Variants in RAB3B observed in about 807,000 individuals in gnomAD.
RAB3B encodes the protein ras-related protein Rab-3B.
RAB3B carries 11 observed loss-of-function variants against 20.5 expected under a neutral mutation model. The ratio of observed to expected loss-of-function variants is 0.54; its 90% confidence interval spans 0.34 to 0.89. The LOEUF (loss-of-function observed/expected upper bound fraction) is 0.89. Among genes scored for constraint, RAB3B ranks in the 40% least tolerant of loss-of-function variants. RAB3B has a pLI of 0.02. For synonymous variants in RAB3B, 99 were observed against 106.3 expected (o/e 0.93, Z 0.42); for missense variants, 225 against 280.9 (o/e 0.80, Z 1.42).
rs528897911 is a variant in RAB3B, at chr1:51,974,726, T to C, written c.228+2164A>G. Among the ~76,000 whole-genome samples, 4 of 152,340 alleles carry C rather than the reference T, an allele frequency of 2.6e-5. No individual in the cohort carries two copies. The South Asian group carries it at 8.3e-4, about 32-fold the overall frequency. On this transcript the variant is annotated intron_variant, in intron 2 of 4. Transcript: ENST00000371655. The stretch of plus-strand genomic sequence containing the variant: ...GCAGTGTTGTTGACCTAAGGCAAGT[T>C]AACTAATCTCTGAGTTTCTTATCCT...
rs74971507 is a variant in RAB3B at position 51,988,146 on chromosome 1, T to C, written c.-1+2406A>G. Among the ~76,000 whole-genome samples the C allele has an allele frequency of 5.3e-5, 8 of 152,308 alleles. No homozygotes were observed. The East Asian group carries it at 1.3e-3, about 26-fold the overall frequency. ...ATGCTGTTCAAAGGTCAACTGTATA[T>C]GCAATATAGCAGGGGCTCAATAATG... On this transcript the variant is annotated intron_variant, in intron 1 of 4. Coordinates refer to ENST00000371655, the MANE Select transcript of RAB3B (RefSeq NM_002867.4).
intron 4 of RAB3B, among the ~76,000 whole-genome samples, chr1:51,931,579 C>T (rs999781377): frequency 2.6e-5 from 4 of 152,096 alleles, no homozygotes; most frequent in East Asian, 1.9e-4. Context: ...CCTCCGTGCC[C>T]GGCCATATGC....
chr1:51,927,246 G>T (rs1557962900), intron 4 of RAB3B, among the ~76,000 whole-genome samples: 1 of 152,134 alleles, frequency 6.6e-6, no homozygotes, highest in Non-Finnish European at 1.5e-5. Context: ...ATGCGGAATT[G>T]GGTAAACTGA....
Position 51,909,857 on chromosome 1 carries a change from TCCTGGATTAGATTTG to T in RAB3B, c.*10055_*10069del, listed in dbSNP as rs59241582. The T allele has an allele frequency of 0.083, 12,591 of 152,284 alleles. 883 individuals carry two copies. The highest frequency in any genetic ancestry group is 0.19 in the African/African-American group (7,823 of 41,490). The allele number at this position is 152,284 out of a possible 1,614,324, so 9.4% of individuals were successfully genotyped here. A position where few individuals can be genotyped will look rare whatever the true frequency, so the allele number is the denominator to read the frequency against. On this transcript the variant is annotated 3_prime_UTR_variant, in exon 5 of 5. Transcript: ENST00000371655. The stretch of plus-strand genomic sequence containing the variant: ...CTGGTTCTCAGTCCCCTTACAAAGA[TCCTGGATTAGATTTG>T]CCTGCCTAGCTCTGCCTGATTGGGA...
chr1:51,987,357 G>T (rs1685166384), intron 1 of RAB3B, among the ~76,000 whole-genome samples: 1 of 152,154 alleles, frequency 6.6e-6, no homozygotes, highest in Admixed American at 6.5e-5. Flanking sequence ...TGTAAACTTA[G>T]GCAAATCACA....
intron 2 of RAB3B, among the ~76,000 whole-genome samples, chr1:51,965,579 G>A (rs145954730): frequency 1.3e-4 from 19 of 151,246 alleles, no homozygotes; most frequent in Non-Finnish European, 2.4e-4. Flanking sequence ...CCCGGGAAGC[G>A]GAGGTTGCAG....
chr1:51,946,576 CGA>C (rs1684568680), intron 2 of RAB3B, among the ~76,000 whole-genome samples: 1 of 152,158 alleles, frequency 6.6e-6, no homozygotes, highest in Non-Finnish European at 1.5e-5. Flanking sequence ...AGAACAGACA[CGA>C]GAGTGAGCAC....
intron 2 of RAB3B, among the ~76,000 whole-genome samples, chr1:51,962,481 C>T (rs1474808753): frequency 3.3e-5 from 5 of 152,182 alleles, no homozygotes; most frequent in Admixed American, 6.5e-5. Flanking sequence ...CTCCCACACA[C>T]GCCACACAAC....
intron 1 of RAB3B, among the ~76,000 whole-genome samples, chr1:51,984,197 G>A (rs1157222751): frequency 1.4e-5 from 2 of 145,454 alleles, no homozygotes; most frequent in Non-Finnish European, 3.0e-5. Flanking sequence ...CTGGCAGGCG[G>A]AGGTTACAGT....
At chr1:51,957,716 C>A (rs577048040) in intron 2 of RAB3B, among the ~76,000 whole-genome samples, 1 of 152,336 alleles carries the variant, frequency 6.6e-6, no homozygotes, top group East Asian at 1.9e-4. Context: ...GGTGTCAACA[C>A]CCAGAATGGG....
chr1:51,966,524 C>A (rs551081770), intron 2 of RAB3B, among the ~76,000 whole-genome samples: 1 of 152,018 alleles, frequency 6.6e-6, no homozygotes, highest in East Asian at 1.9e-4. Flanking sequence ...TCTTGGAGAC[C>A]CCTTCAATAG....
At chr1:51,929,044 A>G (rs950709295) in intron 4 of RAB3B, among the ~76,000 whole-genome samples, 57 of 152,148 alleles carry the variant, frequency 3.7e-4, no homozygotes, top group African/African-American at 1.4e-3. Context: ...TTATATTGGG[A>G]CTATGTTGCC....
chr1:51,950,406 C>T (rs2809942), intron 2 of RAB3B, among the ~76,000 whole-genome samples: 135,927 of 152,244 alleles, frequency 0.89, 61,534 homozygotes, highest in East Asian at 1. Flanking sequence ...TCAAGTCATA[C>T]TTAGCTAACT....
rs1684085259 is a variant in RAB3B at position 51,916,370 on chromosome 1, C to G, written c.*3557G>C. On this transcript the variant is annotated 3_prime_UTR_variant, in exon 5 of 5. Coordinates refer to ENST00000371655, the MANE Select transcript of RAB3B (RefSeq NM_002867.4). Reference sequence around the variant, plus strand: ...ACGATTTCATCTTTGCCTGGATATTCAGTAGGAGAGAAAAGATTATTGGAT... The same window carrying G: ...ACGATTTCATCTTTGCCTGGATATTGAGTAGGAGAGAAAAGATTATTGGAT... The G allele has an allele frequency of 6.6e-6, 1 of 152,162 alleles. No homozygotes were observed. Among genetic ancestry groups the G allele is most frequent in the South Asian group, 2.1e-4 (1 of 4,828 alleles). The allele number at this position is 152,162 out of a possible 1,614,324, so 9.4% of individuals were successfully genotyped here. A position where few individuals can be genotyped will look rare whatever the true frequency, so the allele number is the denominator to read the frequency against.
chr1:51,908,828 C>T lies in RAB3B; in HGVS notation c.*11099G>A, dbSNP rs1683957955. ...GATAGGTTGCTTCACTGATGCAGGCCTCAGTCTTCCTCATCTGTACTGGAA... is the reference window on the plus strand; with the variant it reads ...GATAGGTTGCTTCACTGATGCAGGCTTCAGTCTTCCTCATCTGTACTGGAA... On this transcript the variant is annotated 3_prime_UTR_variant, in exon 5 of 5. Transcript: ENST00000371655. The T allele has an allele frequency of 6.6e-6, 1 of 152,174 alleles. No homozygotes were observed. Among genetic ancestry groups the T allele is most frequent in the African/African-American group, 2.4e-5 (1 of 41,416 alleles). 9.4% of individuals were successfully genotyped at this position (152,174 alleles called of 1,614,324 possible).
At chr1:51,955,068 C>T (rs1422073737) in intron 2 of RAB3B, among the ~76,000 whole-genome samples, 1 of 152,226 alleles carries the variant, frequency 6.6e-6, no homozygotes, top group Non-Finnish European at 1.5e-5. Flanking sequence ...CAGGTCACTG[C>T]TGCTTCTGCC....
In RAB3B at chr1:51,913,988, C is replaced by G. The variant is rs530729543; in HGVS notation, c.*5939G>C. The G allele has an allele frequency of 2.0e-5, 3 of 152,282 alleles. No individual in the cohort carries two copies. Among genetic ancestry groups the G allele is most frequent in the South Asian group, 4.1e-4 (2 of 4,842 alleles). 9.4% of individuals were successfully genotyped at this position (152,282 alleles called of 1,614,324 possible). A position where few individuals can be genotyped will look rare whatever the true frequency, so the allele number is the denominator to read the frequency against. The stretch of plus-strand genomic sequence containing the variant: ...GAAAGGCCTCAACAGCCCCAGTCAT[C>G]TCAGCTGGGACCCCAGACATGTGGA... On this transcript the variant is annotated 3_prime_UTR_variant, in exon 5 of 5. Transcript: ENST00000371655.
At chr1:51,986,860 G>A (rs1347751363) in intron 1 of RAB3B, among the ~76,000 whole-genome samples, 1 of 152,216 alleles carries the variant, frequency 6.6e-6, no homozygotes, top group African/African-American at 2.4e-5. Context: ...TGGAAGACAG[G>A]CAAAAAGCAT....
chr1:51,921,755 C>A (rs1684175137), intron 4 of RAB3B, among the ~76,000 whole-genome samples: 1 of 152,164 alleles, frequency 6.6e-6, no homozygotes, highest in Non-Finnish European at 1.5e-5. Context: ...AAAAAGTGGC[C>A]TGTTATAAAG....
Sources: gnomAD v4.1 joint callset for allele counts (sites outside exome capture counted in the v4.1 genomes callset) on GRCh38, gnomAD v4.1.1 for gene constraint, MANE v1.5 for transcripts, NCBI Gene and HGNC (gene_info 2026-07-23, HGNC 2026-07-21) for gene names.